Variants in SHISA9 observed in about 807,000 individuals in gnomAD.
SHISA9 encodes the protein shisa family member 9.
Under a neutral mutation model 38.0 loss-of-function variants are expected in SHISA9, and 13 were observed. The ratio of observed to expected loss-of-function variants is 0.34; its 90% CI spans 0.22 to 0.54. SHISA9 has a LOEUF of 0.54. Ranked by LOEUF, SHISA9 falls within the 20% of genes least tolerant of loss-of-function variation. SHISA9 has a pLI of 0.91. For missense variants in SHISA9, 538 were observed against 575.8 expected, an observed-to-expected ratio of 0.93 and a Z score of 0.67; for synonymous variants, 275 against 242.0, an observed-to-expected ratio of 1.14 and a Z score of -1.27.
At chr16:12,944,527 T>C (rs1285950247) in intron 2 of SHISA9, among the ~76,000 whole-genome samples, 1 of 152,140 alleles carries the variant, frequency 6.6e-6, no homozygotes, top group African/African-American at 2.4e-5. Context: ...AAGTCACTGG[T>C]GAATCTTGAA....
chr16:13,528,098 G>C, the SHISA9 span, among the ~76,000 whole-genome samples: 1 of 152,094 alleles, frequency 6.6e-6, no homozygotes, highest in African/African-American at 2.4e-5. Context: ...GGCACTTCGG[G>C]GGGCCTCAAT....
At chr16:13,242,361 T>C (rs193026950), downstream of SHISA9, among the ~76,000 whole-genome samples, 2 of 152,274 alleles carry the variant, frequency 1.3e-5, no homozygotes, top group East Asian at 3.9e-4. Context: ...GGTCCAATGT[T>C]TGTAACAAGC....
the SHISA9 span, among the ~76,000 whole-genome samples, chr16:13,388,181 GA>G: frequency 6.6e-6 from 1 of 151,914 alleles, no homozygotes; most frequent in Admixed American, 6.6e-5. Context: ...TGGAACAGAA[GA>G]AAAAGGAAGG....
intron 2 of SHISA9, among the ~76,000 whole-genome samples, chr16:12,971,167 C>G (rs930180340): frequency 2.6e-5 from 4 of 152,180 alleles, no homozygotes; most frequent in African/African-American, 9.7e-5. Context: ...AACTTCAAGA[C>G]TAAAACTTCG....
chr16:13,029,398 G>T (rs2072964101), intron 2 of SHISA9, among the ~76,000 whole-genome samples: 1 of 152,198 alleles, frequency 6.6e-6, no homozygotes, highest in African/African-American at 2.4e-5. Flanking sequence ...TTGAACTCAG[G>T]AGTTTGAGAC....
At chr16:13,555,408 G>A in the SHISA9 span, among the ~76,000 whole-genome samples, 4 of 152,300 alleles carry the variant, frequency 2.6e-5, no homozygotes, top group Non-Finnish European at 4.4e-5. Context: ...AAAGAGGAAA[G>A]ACAGCACATT....
intron 2 of SHISA9, among the ~76,000 whole-genome samples, chr16:13,025,150 C>G (rs895422181): frequency 2.0e-5 from 3 of 152,100 alleles, no homozygotes; most frequent in African/African-American, 7.2e-5. Context: ...TATTATAACA[C>G]TTATGACATT....
the SHISA9 span, among the ~76,000 whole-genome samples, chr16:13,325,013 G>A: frequency 3.3e-5 from 5 of 152,264 alleles, no homozygotes; most frequent in Admixed American, 2.0e-4. Flanking sequence ...TTAGATAAGC[G>A]GGATTGGGGA....
the SHISA9 span, among the ~76,000 whole-genome samples, chr16:13,534,525 C>A: frequency 3.3e-5 from 5 of 152,090 alleles, no homozygotes; most frequent in Non-Finnish European, 5.9e-5. Flanking sequence ...ATGCCAGGCC[C>A]ACAGAATATT....
the SHISA9 span, among the ~76,000 whole-genome samples, chr16:13,293,435 C>T: frequency 1.3e-5 from 2 of 152,326 alleles, no homozygotes; most frequent in Middle Eastern, 3.4e-3. Context: ...AGAGCCCAGA[C>T]TCAAAACGTA....
intron 2 of SHISA9, among the ~76,000 whole-genome samples, chr16:13,166,656 G>A (rs534257733): frequency 1.2e-4 from 18 of 151,998 alleles, no homozygotes; most frequent in South Asian, 4.2e-4. Flanking sequence ...TTTTGTCTAC[G>A]GTGTGCCCCT....
chr16:13,527,580 A>G, the SHISA9 span, among the ~76,000 whole-genome samples: 1 of 152,132 alleles, frequency 6.6e-6, no homozygotes, highest in Admixed American at 6.5e-5. Flanking sequence ...ATGTGTAGGT[A>G]GTAAAGGAAG....
the SHISA9 span, among the ~76,000 whole-genome samples, chr16:13,515,132 G>A: frequency 6.6e-6 from 1 of 152,158 alleles, no homozygotes; most frequent in African/African-American, 2.4e-5. Context: ...GGAGCAAGGA[G>A]GATATGGGAA....
chr16:13,261,089 C>T, the SHISA9 span, among the ~76,000 whole-genome samples: 1 of 152,132 alleles, frequency 6.6e-6, no homozygotes, highest in African/African-American at 2.4e-5. Flanking sequence ...CTGCCTGGGT[C>T]CCTCCCACAA....
the SHISA9 span, chr16:13,350,728 T>A: frequency 6.6e-6 from 1 of 152,196 alleles, no homozygotes; most frequent in Admixed American, 6.5e-5. Flanking sequence ...CCTAAGCTGC[T>A]TTTTTCAAAG....
intron 2 of SHISA9, among the ~76,000 whole-genome samples, chr16:13,095,616 A>T (rs1478574784): frequency 6.6e-6 from 1 of 152,226 alleles, no homozygotes; most frequent in Admixed American, 6.5e-5. Context: ...ATTTAACTGA[A>T]TTCTAGCTGT....
chr16:13,324,328 G>A, the SHISA9 span, among the ~76,000 whole-genome samples: 5 of 152,238 alleles, frequency 3.3e-5, no homozygotes, highest in East Asian at 9.7e-4. Context: ...GACTGAGCCA[G>A]GACCTAGCTC....
chr16:13,264,076 A>G, the SHISA9 span, among the ~76,000 whole-genome samples: 32,717 of 151,944 alleles, frequency 0.22, 3,833 homozygotes, highest in East Asian at 0.38. Context: ...TCCTTCCCCA[A>G]CATAGTATGT....
At chr16:12,939,508 A>G (rs537293135) in intron 2 of SHISA9, among the ~76,000 whole-genome samples, 3 of 152,194 alleles carry the variant, frequency 2.0e-5, no homozygotes, top group Non-Finnish European at 4.4e-5. Context: ...TTTGAATGGA[A>G]TCCTGCAGTT....
Sources: gnomAD v4.1 joint callset for allele counts (sites outside exome capture counted in the v4.1 genomes callset) on GRCh38, gnomAD v4.1.1 for gene constraint, MANE v1.5 for transcripts, NCBI Gene and HGNC (gene_info 2026-07-23, HGNC 2026-07-21) for gene names.